Variants in RERE observed in about 807,000 individuals in gnomAD.
RERE encodes arginine-glutamic acid dipeptide repeats protein.
Under a neutral mutation model 146.1 loss-of-function variants are expected in RERE, and 40 were observed. The observed-to-expected ratio is 0.27, with a 90% CI of 0.21 to 0.36. The LOEUF (loss-of-function observed/expected upper bound fraction) is 0.36. Ranked by LOEUF, RERE falls within the 10% of genes least tolerant of loss-of-function variation. RERE has a pLI of 1.00. For synonymous variants in RERE, 1,003 were observed against 866.0 expected, an observed-to-expected ratio of 1.16 and a Z score of -2.78; for missense variants, 1,933 against 2,138.7, an observed-to-expected ratio of 0.90 and a Z score of 1.90.
intron 12 of RERE, among the ~76,000 whole-genome samples, chr1:8,422,090 C>A (rs1488719516): frequency 6.6e-6 from 1 of 152,232 alleles, no homozygotes; most frequent in African/African-American, 2.4e-5. Flanking sequence ...CTCAGCAAAT[C>A]CTTCTACCTC....
chr1:8,664,794 T>A (rs1250462983), intron 1 of RERE, among the ~76,000 whole-genome samples: 1 of 152,206 alleles, frequency 6.6e-6, no homozygotes, highest in Non-Finnish European at 1.5e-5. Flanking sequence ...TCTACTAGTA[T>A]GGCTTTCCTG....
At chr1:8,792,057 C>T (rs1295695275) in intron 1 of RERE, among the ~76,000 whole-genome samples, 1 of 151,654 alleles carries the variant, frequency 6.6e-6, no homozygotes, top group African/African-American at 2.4e-5. Flanking sequence ...TGCACCACTC[C>T]AGCCTGGGCA....
intron 1 of RERE, among the ~76,000 whole-genome samples, chr1:8,794,092 A>G (rs1315298534): frequency 6.8e-6 from 1 of 146,804 alleles, no homozygotes; most frequent in Non-Finnish European, 1.5e-5. Flanking sequence ...TTTTTTTTTG[A>G]GAGAGAAAAA....
rs1269710840 is a variant in RERE, at chr1:8,564,870, G to GTGTGTGTGTA, written c.523-7348_523-7347insTACACACACA. Among the ~76,000 whole-genome samples the GTGTGTGTGTA allele has an allele frequency of 3.4e-3, 436 of 127,352 alleles. 1 individual carries two copies. Among genetic ancestry groups the GTGTGTGTGTA allele is most frequent in the Non-Finnish European group, 4.8e-3 (292 of 61,398 alleles). The allele number at this position is 127,352 out of a possible 152,430, so 83.5% of individuals were successfully genotyped here. On this transcript the variant is annotated intron_variant, in intron 4 of 22. Transcript: ENST00000400908. ...TGTGTGTGTGTGTGTGTGTGTGTGTGTATATATATATATAAAACTACTATT... is the reference window on the plus strand; with the variant it reads ...TGTGTGTGTGTGTGTGTGTGTGTGTGTGTGTGTGTATATATATATATATAAAACTACTATT...
intron 2 of RERE, among the ~76,000 whole-genome samples, chr1:8,653,430 A>G (rs2124324452): frequency 6.6e-6 from 1 of 152,298 alleles, no homozygotes; most frequent in Admixed American, 6.5e-5. Context: ...AGAGTTGGCC[A>G]GGCGCGATGG....
chr1:8,401,038 C>CATATAT lies in RERE; in HGVS notation c.1284+21683_1284+21688dup, dbSNP rs59752248. 9.4e-3 allele frequency among the ~76,000 whole-genome samples: 537 copies of CATATAT among 57,404 alleles called. 9 individuals carry two copies. The highest frequency in any genetic ancestry group is 0.014 in the African/African-American group (256 of 17,890). 37.7% of individuals were successfully genotyped at this position (57,404 alleles called of 152,430 possible). A position where few individuals can be genotyped will look rare whatever the true frequency, so the allele number is the denominator to read the frequency against. ...GTCTCAAAAAAAAAAAAAAAAAAAC[C>CATATAT]ATATATATATATATATATATATATA... is the stretch of plus-strand genomic sequence containing the variant. On this transcript the variant is annotated intron_variant, in intron 12 of 22. Coordinates refer to ENST00000400908, the MANE Select transcript of RERE (RefSeq NM_001042681.2).
intron 12 of RERE, among the ~76,000 whole-genome samples, chr1:8,375,928 C>T (rs1364606109): frequency 6.6e-6 from 1 of 152,244 alleles, no homozygotes; most frequent in African/African-American, 2.4e-5. Flanking sequence ...ATATATTTAT[C>T]TTTTACATAT....
chr1:8,376,982 TTTCC>T, intron 12 of RERE, among the ~76,000 whole-genome samples: 1 of 152,354 alleles, frequency 6.6e-6, no homozygotes, highest in South Asian at 2.1e-4. Flanking sequence ...TAACTATTGG[TTTCC>T]TTGTTTGTTT....
chr1:8,448,417 T>C (rs1228455110), intron 11 of RERE, among the ~76,000 whole-genome samples: 1 of 151,430 alleles, frequency 6.6e-6, no homozygotes, highest in Non-Finnish European at 1.5e-5. Flanking sequence ...CACAGATAGA[T>C]GAAGAGTTAT....
intron 4 of RERE, among the ~76,000 whole-genome samples, chr1:8,569,522 A>T (rs1489714380): frequency 6.6e-6 from 1 of 152,214 alleles, no homozygotes; most frequent in Admixed American, 6.5e-5. Flanking sequence ...TTTTATAAGT[A>T]AGACTTACCA....
At chr1:8,488,714 A>G (rs1488047199) in intron 10 of RERE, among the ~76,000 whole-genome samples, 1 of 152,174 alleles carries the variant, frequency 6.6e-6, no homozygotes, top group Non-Finnish European at 1.5e-5. Flanking sequence ...AGGCCCTAAT[A>G]ACGATCAATG....
chr1:8,558,015 G>A (rs1024007717), intron 4 of RERE, among the ~76,000 whole-genome samples: 1 of 152,144 alleles, frequency 6.6e-6, no homozygotes, highest in African/African-American at 2.4e-5. Context: ...CTATTACCCA[G>A]ACTAAATCAG....
chr1:8,589,534 T>C (rs1646467615), intron 4 of RERE, among the ~76,000 whole-genome samples: 1 of 152,224 alleles, frequency 6.6e-6, no homozygotes, highest in Non-Finnish European at 1.5e-5. Flanking sequence ...TTTTTATTTA[T>C]TTTTTATGCA....
intron 12 of RERE, among the ~76,000 whole-genome samples, chr1:8,412,415 A>C (rs1368860399): frequency 5.3e-5 from 8 of 152,236 alleles, no homozygotes; most frequent in Admixed American, 3.9e-4. Context: ...ATCCGTCAAC[A>C]GTCATAGGAA....
intron 8 of RERE, among the ~76,000 whole-genome samples, chr1:8,500,782 C>T (rs1423845353): frequency 1.3e-5 from 2 of 151,848 alleles, no homozygotes; most frequent in African/African-American, 2.4e-5. Context: ...TCTTCCCCGC[C>T]GCCCATCGTC....
At chr1:8,779,950 G>A (rs1415041205) in intron 1 of RERE, among the ~76,000 whole-genome samples, 4 of 152,118 alleles carry the variant, frequency 2.6e-5, no homozygotes, top group African/African-American at 7.2e-5. Flanking sequence ...CAGCGCTTTG[G>A]GAGGTCGAGG....
At chr1:8,507,708 C>T (rs970913207) in intron 8 of RERE, among the ~76,000 whole-genome samples, 3 of 142,168 alleles carry the variant, frequency 2.1e-5, no homozygotes, top group Non-Finnish European at 3.0e-5. Context: ...CACGCCCAGC[C>T]GGGAAAAGAG....
chr1:8,377,994 CTCTTA>C (rs1430440137), intron 12 of RERE, among the ~76,000 whole-genome samples: 3 of 152,292 alleles, frequency 2.0e-5, no homozygotes, highest in Admixed American at 6.5e-5. Context: ...AACAACACTT[CTCTTA>C]TATTTTATGG....
At position 8,353,424 on chromosome 1, in the gene RERE, T is replaced by A. The variant is rs986878122; in HGVS notation, c.*1663A>T. 1 of 152,254 alleles carries A rather than the reference T, an allele frequency of 6.6e-6. No individual in the cohort carries two copies. The highest frequency in any genetic ancestry group is 2.4e-5 in the African/African-American group (1 of 41,456). The allele number at this position is 152,254 out of a possible 1,614,324, so 9.4% of individuals were successfully genotyped here. A position where few individuals can be genotyped will look rare whatever the true frequency, so the allele number is the denominator to read the frequency against. ...TGCGGCCTGGGTCCTGGATGGACTT[T>A]GTGTCCGCCGACCCAGTGTGGTCTC... On this transcript the variant is annotated 3_prime_UTR_variant, in exon 23 of 23. Coordinates refer to ENST00000400908, the MANE Select transcript of RERE (RefSeq NM_001042681.2).
Sources: gnomAD v4.1 joint callset for allele counts (sites outside exome capture counted in the v4.1 genomes callset) on GRCh38, gnomAD v4.1.1 for gene constraint, MANE v1.5 for transcripts, NCBI Gene and HGNC (gene_info 2026-07-23, HGNC 2026-07-21) for gene names.